KCNQ5: variants seen among roughly 807,000 people sequenced by gnomAD.
KCNQ5 encodes the protein potassium voltage-gated channel subfamily KQT member 5.
Under a neutral mutation model 98.2 loss-of-function variants are expected in KCNQ5, and 30 were observed. The observed-to-expected ratio is 0.31, with a 90% confidence interval of 0.23 to 0.41. The LOEUF is 0.41. KCNQ5 is among the 10% of genes least tolerant of loss of function. The pLI is 1.00. For missense variants in KCNQ5, 835 were observed against 1,182.5 expected (o/e 0.71, Z 4.31); for synonymous variants, 458 against 449.4 (o/e 1.02, Z -0.24).
At chr6:72,829,791 C>A (rs1166518664) in intron 1 of KCNQ5, among the ~76,000 whole-genome samples, 1 of 152,026 alleles carries the variant, frequency 6.6e-6, no homozygotes, top group Non-Finnish European at 1.5e-5. Flanking sequence ...AGTAAATTTT[C>A]AAGTTTACAT....
At chr6:73,010,383 A>G (rs1333376426) in intron 2 of KCNQ5, among the ~76,000 whole-genome samples, 1 of 152,062 alleles carries the variant, frequency 6.6e-6, no homozygotes. Flanking sequence ...TAAAAGCCAC[A>G]TATGAAAAAC....
intron 1 of KCNQ5, among the ~76,000 whole-genome samples, chr6:72,870,829 C>CA (rs1236651657): frequency 1.3e-5 from 2 of 152,108 alleles, no homozygotes; most frequent in African/African-American, 4.8e-5. Context: ...TGTATGTCAT[C>CA]ATGATAACTA....
chr6:73,169,935 G>A (rs1295170248), intron 11 of KCNQ5, 81 bp downstream of exon 11: 1 of 901,182 alleles, frequency 1.1e-6, no homozygotes, highest in Admixed American at 1.9e-5. Context: ...TTCTTTTTCT[G>A]CAGGTAAATA....
At chr6:73,166,304 C>T (rs1337953321) in intron 10 of KCNQ5, among the ~76,000 whole-genome samples, 5 of 150,760 alleles carry the variant, frequency 3.3e-5, no homozygotes, top group African/African-American at 9.8e-5. Context: ...GGCATGGTGG[C>T]GGGCACCTGT....
At chr6:72,771,007 G>A (rs1267909202) in intron 1 of KCNQ5, among the ~76,000 whole-genome samples, 1 of 152,116 alleles carries the variant, frequency 6.6e-6, no homozygotes, top group Non-Finnish European at 1.5e-5. Context: ...AAGGGGGAAG[G>A]GGGCGGGGAA....
intron 5 of KCNQ5, among the ~76,000 whole-genome samples, chr6:73,101,898 G>A (rs1774792250): frequency 6.6e-6 from 1 of 151,974 alleles, no homozygotes; most frequent in East Asian, 1.9e-4. Context: ...GGAAAAAACA[G>A]TGCTAAAATT....
chr6:72,806,135 G>T (rs1774943130), intron 1 of KCNQ5, among the ~76,000 whole-genome samples: 1 of 152,238 alleles, frequency 6.6e-6, no homozygotes. Context: ...AACAAGTCCT[G>T]TGTGCTTAGA....
At chr6:72,785,560 G>A (rs1445812417) in intron 1 of KCNQ5, among the ~76,000 whole-genome samples, 3 of 151,792 alleles carry the variant, frequency 2.0e-5, no homozygotes, top group African/African-American at 7.3e-5. Context: ...TGAGTCAGGA[G>A]AATCCCTTAA....
At position 72,928,660 on chromosome 6, in the gene KCNQ5, TAG is replaced by T. The variant is rs1177980136; in HGVS notation, c.399-75247_399-75246del. 3.7e-4 allele frequency among the ~76,000 whole-genome samples: 56 copies of T among 152,186 alleles called. No individual in the cohort carries two copies. The Middle Eastern group carries it at 0.01, about 28-fold the overall frequency. On this transcript the variant is annotated intron_variant, in intron 1 of 13. Coordinates refer to ENST00000370398, the MANE Select transcript of KCNQ5 (RefSeq NM_019842.4). ...TTAGAAAAACAAATCTCTAGCTAGCTAGCTACATAGATAGATAGAAGTAGACA... is the reference window on the plus strand; with the variant it reads ...TTAGAAAAACAAATCTCTAGCTAGCTCTACATAGATAGATAGAAGTAGACA...
intron 1 of KCNQ5, among the ~76,000 whole-genome samples, chr6:72,980,601 C>G (rs1313625772): frequency 1.3e-5 from 2 of 152,108 alleles, no homozygotes; most frequent in Non-Finnish European, 2.9e-5. Flanking sequence ...TCTAAATATA[C>G]AATCATGTCA....
rs111977766 is a variant in KCNQ5 at position 72,868,788 on chromosome 6, G to A, written c.399-135120G>A. 6.5e-3 allele frequency among the ~76,000 whole-genome samples: 986 copies of A among 152,276 alleles called. 20 individuals carry two copies. The highest frequency in any genetic ancestry group is 0.022 in the African/African-American group (927 of 41,552). ...TCTGAGGAGATCTGCGGAAGGTGAGGCAGCCCCCACTTCCTAAGGAAGGTA... is the reference window on the plus strand; with the variant it reads ...TCTGAGGAGATCTGCGGAAGGTGAGACAGCCCCCACTTCCTAAGGAAGGTA... On this transcript the variant is annotated intron_variant, in intron 1 of 13. Transcript: ENST00000370398.
rs115708621 is a variant in KCNQ5 at position 72,885,551 on chromosome 6, T to C, written c.399-118357T>C. Among the ~76,000 whole-genome samples the C allele has an allele frequency of 7.6e-3, 1,151 of 152,216 alleles. 14 individuals are homozygous for C. The highest frequency in any genetic ancestry group is 0.024 in the African/African-American group (1,006 of 41,536). On this transcript the variant is annotated intron_variant, in intron 1 of 13. Coordinates refer to ENST00000370398, the MANE Select transcript of KCNQ5 (RefSeq NM_019842.4). ...TGAGAAGGACTTACCTTTCTAACAA[T>C]ATGAAGGAATATGTACTCTGAAAAT...
In KCNQ5 at chr6:73,150,274, T is replaced by G. The variant is rs112983765; in HGVS notation, c.1468+16633T>G. 5.8e-3 allele frequency among the ~76,000 whole-genome samples: 887 copies of G among 151,928 alleles called. 13 individuals carry two copies. Among genetic ancestry groups the G allele is most frequent in the African/African-American group, 0.02 (837 of 41,496 alleles). ...ACACATTGCTGGTGGGAAAACAGTT[T>G]AGTAGTTTCTTAAAACTATTCAGTT... is the stretch of plus-strand genomic sequence containing the variant. On this transcript the variant is annotated intron_variant, in intron 10 of 13. Coordinates refer to ENST00000370398, the MANE Select transcript of KCNQ5 (RefSeq NM_019842.4).
chr6:72,970,283 A>T (rs979939193), intron 1 of KCNQ5, among the ~76,000 whole-genome samples: 1 of 152,088 alleles, frequency 6.6e-6, no homozygotes, highest in African/African-American at 2.4e-5. Flanking sequence ...AAGACAAATA[A>T]GAAACTAGTC....
chr6:72,640,745 G>A (rs1470464390), intron 1 of KCNQ5: 1 of 152,140 alleles, frequency 6.6e-6, no homozygotes, highest in Non-Finnish European at 1.5e-5. Flanking sequence ...TGGGAAAACA[G>A]CCTGCAAAAA....
intron 1 of KCNQ5, among the ~76,000 whole-genome samples, chr6:72,789,334 A>G (rs932528158): frequency 1.3e-5 from 2 of 152,100 alleles, no homozygotes; most frequent in Non-Finnish European, 2.9e-5. Flanking sequence ...TCCACCCTCT[A>G]TGTTTAACAT....
intron 1 of KCNQ5, among the ~76,000 whole-genome samples, chr6:72,909,181 A>G (rs927040543): frequency 1.3e-5 from 2 of 152,312 alleles, no homozygotes; most frequent in Admixed American, 1.3e-4. Flanking sequence ...ATGTAGGTGT[A>G]AGGGGAAAAG....
intron 1 of KCNQ5, among the ~76,000 whole-genome samples, chr6:72,996,907 C>T (rs1220036673): frequency 6.6e-6 from 1 of 152,010 alleles, no homozygotes; most frequent in Non-Finnish European, 1.5e-5. Flanking sequence ...ATCTGAAGAC[C>T]AACAGGGAAG....
chr6:72,996,326 G>C (rs1045855885), intron 1 of KCNQ5, among the ~76,000 whole-genome samples: 2 of 152,148 alleles, frequency 1.3e-5, no homozygotes, highest in Non-Finnish European at 2.9e-5. Context: ...CACAGTCTCC[G>C]AAACCTAAAA....
Sources: allele counts gnomAD v4.1 joint callset (sites outside exome capture counted in the v4.1 genomes callset), GRCh38; gene constraint gnomAD v4.1.1; transcripts MANE v1.5; gene names NCBI Gene and HGNC (gene_info 2026-07-23, HGNC 2026-07-21).